CDH13: variants seen among roughly 807,000 people sequenced by gnomAD.
CDH13 encodes the protein cadherin 13.
A neutral mutation model predicts 63.8 loss-of-function variants in CDH13; 24 were observed. The ratio of observed to expected loss-of-function variants is 0.38; its 90% confidence interval spans 0.27 to 0.53. The LOEUF (loss-of-function observed/expected upper bound fraction) is 0.53. Among genes scored for constraint, CDH13 ranks in the 20% least tolerant of loss-of-function variants. The pLI, the probability that CDH13 is intolerant of heterozygous loss-of-function variation, is 0.85. For synonymous variants in CDH13, 503 were observed against 355.3 expected (o/e 1.42, Z -4.67); for missense variants, 1,049 against 903.1 (o/e 1.16, Z -2.07).
chr16:82,989,487 T>C (rs1464806462), intron 2 of CDH13, among the ~76,000 whole-genome samples: 1 of 152,166 alleles, frequency 6.6e-6, no homozygotes, highest in African/African-American at 2.4e-5. Context: ...GGTAAGGCAG[T>C]GGCAAGGGTG....
At chr16:83,243,752 C>A (rs117006032) in intron 5 of CDH13, among the ~76,000 whole-genome samples, 1 of 152,112 alleles carries the variant, frequency 6.6e-6, no homozygotes, top group Non-Finnish European at 1.5e-5. Flanking sequence ...CAGTCTTGTC[C>A]GGAGCAAACT....
chr16:83,079,698 G>C (rs964010720), intron 3 of CDH13, among the ~76,000 whole-genome samples: 22 of 152,284 alleles, frequency 1.4e-4, no homozygotes, highest in African/African-American at 5.1e-4. Context: ...CAAATGGCAT[G>C]TACGCAAATG....
chr16:82,813,034 AT>A (rs1226565638), intron 1 of CDH13, among the ~76,000 whole-genome samples: 1 of 152,158 alleles, frequency 6.6e-6, no homozygotes, highest in Non-Finnish European at 1.5e-5. Context: ...AACTGAGTCA[AT>A]GATGTAACAC....
At chr16:83,270,407 A>G in intron 5 of CDH13, among the ~76,000 whole-genome samples, 1 of 152,222 alleles carries the variant, frequency 6.6e-6, no homozygotes, top group Non-Finnish European at 1.5e-5. Context: ...TGTTTTTGGC[A>G]TCTGAGAATT....
chr16:82,802,114 CT>C (rs1490465692), intron 1 of CDH13, among the ~76,000 whole-genome samples: 1 of 55,896 alleles, frequency 1.8e-5, no homozygotes, highest in Non-Finnish European at 3.2e-5. Context: ...TATCATCTCC[CT>C]CTCATTGGTT....
At chr16:83,024,767 T>C (rs1206818842) in intron 2 of CDH13, among the ~76,000 whole-genome samples, 1 of 152,260 alleles carries the variant, frequency 6.6e-6, no homozygotes, top group African/African-American at 2.4e-5. Context: ...ACAATCCGTT[T>C]GGAGAATATC....
intron 2 of CDH13, among the ~76,000 whole-genome samples, chr16:83,000,574 C>CTTTTTTTTTTTTTTTTTT (rs561787532): frequency 7.8e-6 from 1 of 127,736 alleles, no homozygotes; most frequent in Non-Finnish European, 1.6e-5. Context: ...TTTCTTTTCT[C>CTTTTTTTTTTTTTTTTTT]TTTTTTTTTT....
chr16:83,463,921 C>T (rs1181173273), intron 6 of CDH13, among the ~76,000 whole-genome samples: 1 of 152,138 alleles, frequency 6.6e-6, no homozygotes, highest in African/African-American at 2.4e-5. Flanking sequence ...TCTGTGTGGC[C>T]AGAAGGAGAA....
intron 10 of CDH13, among the ~76,000 whole-genome samples, chr16:83,733,847 C>T (rs1911280069): frequency 6.6e-6 from 1 of 152,196 alleles, no homozygotes; most frequent in Admixed American, 6.5e-5. Context: ...CACCACCATG[C>T]CTTGGCGTAA....
intron 7 of CDH13, among the ~76,000 whole-genome samples, chr16:83,577,861 A>G (rs1404984982): frequency 6.6e-6 from 1 of 152,222 alleles, no homozygotes; most frequent in Non-Finnish European, 1.5e-5. Context: ...AACATTGCAT[A>G]ACTACATCAC....
intron 6 of CDH13, among the ~76,000 whole-genome samples, chr16:83,395,910 G>C (rs2091878466): frequency 6.6e-6 from 1 of 152,106 alleles, no homozygotes; most frequent in Admixed American, 6.5e-5. Context: ...CACACATTAA[G>C]CCTAATATTC....
rs149191648 is a variant in CDH13 at position 83,276,511 on chromosome 16, G to C, written c.636+59014G>C. 1.6e-3 allele frequency among the ~76,000 whole-genome samples: 246 copies of C among 152,250 alleles called. 1 individual carries two copies. Among genetic ancestry groups the C allele is most frequent in the African/African-American group, 5.7e-3 (236 of 41,548 alleles). ...GACTGGGCAATTTACAAAAGAAAGA[G>C]GTTTAATAGTCTTACAGTTTCCCAT... On this transcript the variant is annotated intron_variant, in intron 5 of 13. Transcript: ENST00000567109.
intron 11 of CDH13, among the ~76,000 whole-genome samples, chr16:83,778,125 C>A (rs1233672383): frequency 6.6e-6 from 1 of 152,164 alleles, no homozygotes; most frequent in Admixed American, 6.5e-5. Flanking sequence ...AAACTACTAA[C>A]AAATGGTTTG....
At chr16:82,763,839 C>A (rs1009305476) in intron 1 of CDH13, among the ~76,000 whole-genome samples, 2 of 152,150 alleles carry the variant, frequency 1.3e-5, no homozygotes, top group Admixed American at 6.5e-5. Context: ...CACACCACCA[C>A]GCCCAGGTAA....
intron 3 of CDH13, among the ~76,000 whole-genome samples, chr16:83,108,178 C>A (rs1159303363): frequency 6.6e-6 from 1 of 152,046 alleles, no homozygotes; most frequent in Admixed American, 6.6e-5. Context: ...TAGTTAAGGC[C>A]ATGGTTGTGA....
chr16:83,674,938 A>G (rs542375513), intron 9 of CDH13, among the ~76,000 whole-genome samples: 46 of 152,354 alleles, frequency 3.0e-4, no homozygotes, highest in Admixed American at 2.1e-3. Context: ...TCACAGGCCT[A>G]AACATAGCTA....
intron 2 of CDH13, among the ~76,000 whole-genome samples, chr16:82,922,389 G>C (rs140603031): frequency 6.6e-6 from 1 of 152,120 alleles, no homozygotes; most frequent in African/African-American, 2.4e-5. Flanking sequence ...AGAAGACATA[G>C]GCAGATTCTT....
chr16:83,677,337 C>G (rs1567508381), intron 9 of CDH13, among the ~76,000 whole-genome samples: 1 of 152,212 alleles, frequency 6.6e-6, no homozygotes, highest in Non-Finnish European at 1.5e-5. Context: ...TGCAAAATCA[C>G]CTAGAGTGGT....
chr16:83,492,275 A>C lies in CDH13; in HGVS notation c.960+5620A>C, dbSNP rs369003266. Among the ~76,000 whole-genome samples, 3 of 152,318 alleles carry C rather than the reference A, an allele frequency of 2.0e-5. No homozygotes were observed. In the South Asian group the frequency reaches 6.2e-4, roughly 32 times the overall value. The stretch of plus-strand genomic sequence containing the variant: ...AGAGGTAGTAGTCATACTCTTAGGA[A>C]AATAAATGTTTTTAGGCCTTTCTGA... On this transcript the variant is annotated intron_variant, in intron 7 of 13. Transcript: ENST00000567109.
Sources: allele counts gnomAD v4.1 joint callset (sites outside exome capture counted in the v4.1 genomes callset), GRCh38; gene constraint gnomAD v4.1.1; transcripts MANE v1.5; gene names NCBI Gene and HGNC (gene_info 2026-07-23, HGNC 2026-07-21).